Variants in ADGRF3 observed in about 807,000 individuals in gnomAD.
ADGRF3 encodes the protein adhesion G protein-coupled receptor F3, also known as G protein-coupled receptor 113.
A neutral mutation model predicts 93.2 loss-of-function variants in ADGRF3; 85 were observed. The observed-to-expected ratio is 0.91, with a 90% confidence interval of 0.77 to 1.09. The LOEUF (loss-of-function observed/expected upper bound fraction) is 1.09. ADGRF3 is among the 50% of genes least tolerant of loss of function. The probability of loss-of-function intolerance (pLI) is 0.00; values close to 1 mark genes in which losing one functional copy is unlikely to be tolerated. For missense variants in ADGRF3, 1,125 were observed against 1,246.2 expected, an observed-to-expected ratio of 0.90 and a Z score of 1.46; for synonymous variants, 534 against 532.5, an observed-to-expected ratio of 1.00 and a Z score of -0.04.
At chr2:26,327,877 CA>C (rs1469885074) in intron 1 of ADGRF3, among the ~76,000 whole-genome samples, 3 of 151,932 alleles carry the variant, frequency 2.0e-5, no homozygotes, top group Non-Finnish European at 2.9e-5. Context: ...TCTGTTATTG[CA>C]ACACAAAACG....
chr2:26,322,709 A>G (rs547393308), intron 1 of ADGRF3, among the ~76,000 whole-genome samples: 66 of 152,348 alleles, frequency 4.3e-4, no homozygotes, highest in African/African-American at 1.5e-3. Flanking sequence ...GTATCAAATC[A>G]ATCAATCAAT....
chr2:26,320,378 C>T (rs535410968), intron 1 of ADGRF3, among the ~76,000 whole-genome samples: 1 of 152,282 alleles, frequency 6.6e-6, no homozygotes, highest in South Asian at 2.1e-4. Flanking sequence ...TCCCTGTAAT[C>T]TCAGCTACTT....
intron 8 of ADGRF3, 70 bp from the exon 9 acceptor site, chr2:26,313,192 C>G (rs1321304995): frequency 6.4e-7 from 1 of 1,569,760 alleles, no homozygotes; most frequent in Non-Finnish European, 8.7e-7. Context: ...CATCCCAGAC[C>G]CATGGAGATT....
rs772623768 is a variant in ADGRF3 at position 26,313,772 on chromosome 2, T to C, written c.1060A>G (p.Thr354Ala). The change falls in exon 7 of 14, where the codon ACC becomes GCC. Residue 354 changes from threonine (T) to alanine (A), a missense_variant. Coordinates refer to ENST00000651242, the MANE Select transcript of ADGRF3 (RefSeq NM_001321971.2). Reference protein sequence around the residue: ...LAPLRVPISITIIQDGDITCP... With the variant: ...LAPLRVPISIAIIQDGDITCP... ...AGGCCCTGCGTACCCTGGATGATGG[T>C]GATGGAGATGGGGACCCTGAGTGGA... 8 of 1,613,774 alleles carry C rather than the reference T, an allele frequency of 5.0e-6. No homozygotes were observed. The highest frequency in any genetic ancestry group is 5.9e-6 in the Non-Finnish European group (7 of 1,179,856).
intron 1 of ADGRF3, among the ~76,000 whole-genome samples, chr2:26,343,480 C>T (rs1676509773): frequency 6.6e-6 from 1 of 151,930 alleles, no homozygotes; most frequent in Non-Finnish European, 1.5e-5. Context: ...CGCTGTGTCA[C>T]CCAGACTGGA....
At chr2:26,310,292 T>C (rs901287306) in intron 10 of ADGRF3, 55 bp from the exon 11 acceptor site, 3 of 1,579,532 alleles carry the variant, frequency 1.9e-6, no homozygotes, top group Non-Finnish European at 2.6e-6. Context: ...TCCACCCGAA[T>C]CAACATGCTC....
In ADGRF3 at chr2:26,311,075, G is replaced by T. The variant is rs150001339; in HGVS notation, c.2449C>A (p.Leu817Ile). Residue 817 changes from leucine (L) to isoleucine (I), a missense_variant, in exon 10 of 14, where the codon CTC (leucine) becomes ATC (isoleucine). Coordinates refer to ENST00000651242, the MANE Select transcript of ADGRF3 (RefSeq NM_001321971.2). ...HQLAKHRVLP[L>I]MVLLGYLCPL... ...CACAGGTAGCCCAGGAGCACCATGA[G>T]GGGGAGAACTCGGTGCTTTGCCAGC... 3.7e-6 allele frequency: 6 copies of T among 1,607,084 alleles called. No homozygotes were observed. The East Asian group carries it at 9.0e-5, about 24-fold the overall frequency.
At chr2:26,316,775 G>A in intron 3 of ADGRF3, 137 bp downstream of exon 3, 2 of 942,878 alleles carry the variant, frequency 2.1e-6, no homozygotes, top group East Asian at 2.7e-5. Context: ...GGAAGGAGCT[G>A]GGCCACGGAG....
rs1676734365 is a variant in ADGRF3, at chr2:26,346,134, C to T, written c.101G>A (p.Gly34Glu). The T allele has an allele frequency of 6.3e-6, 10 of 1,597,640 alleles. No homozygotes were observed. The highest frequency in any genetic ancestry group is 7.7e-6 in the Non-Finnish European group (9 of 1,173,198). Residue 34 changes from glycine to glutamate, a missense_variant, in exon 1 of 14, where the codon GGG (glycine) becomes GAG (glutamate). Gly to Glu is a moderately conservative substitution (Grantham distance 98, BLOSUM62 -2). Transcript: ENST00000651242. Reference protein sequence around the residue: ...HTGWARMAKTGLPEKGQSQAG... With the variant: ...HTGWARMAKTELPEKGQSQAG... Reference sequence around the variant, plus strand: ...CGGCTCTCCTACCTTCTCGGGCAGCCCAGTCTTTGCCATCCTTGCCCAGCC... The same window carrying T: ...CGGCTCTCCTACCTTCTCGGGCAGCTCAGTCTTTGCCATCCTTGCCCAGCC...
intron 1 of ADGRF3, among the ~76,000 whole-genome samples, chr2:26,327,365 T>C (rs1262406461): frequency 2.0e-5 from 3 of 152,230 alleles, no homozygotes; most frequent in African/African-American, 7.2e-5. Context: ...TTTGCACTCT[T>C]GATCTTTAGT....
At position 26,309,605 on chromosome 2, in the gene ADGRF3, A is replaced by G. The variant is rs770161927; in HGVS notation, c.2938-24T>C. On this transcript the variant is annotated intron_variant, in intron 12 of 13. Coordinates refer to ENST00000651242, the MANE Select transcript of ADGRF3 (RefSeq NM_001321971.2). Reference sequence around the variant, plus strand: ...GCCTAGGAAGGGGTGGGAAGGCCCAATTGCAGGGCAGTTATTAGTATTGTC... The same window carrying G: ...GCCTAGGAAGGGGTGGGAAGGCCCAGTTGCAGGGCAGTTATTAGTATTGTC... 1.4e-4 allele frequency: 222 copies of G among 1,609,988 alleles called. 2 individuals are homozygous for G. The South Asian group carries it at 1.6e-3, about 12-fold the overall frequency.
chr2:26,345,969 A>T, intron 1 of ADGRF3, 152 bp downstream of exon 1: 1 of 702,590 alleles, frequency 1.4e-6, no homozygotes, highest in Non-Finnish European at 2.3e-6. Context: ...CCGATTGGAC[A>T]ACAGCAGTGT....
At chr2:26,316,076 G>A (rs1277587362) in intron 4 of ADGRF3, among the ~76,000 whole-genome samples, 199 bp downstream of exon 4, 2 of 152,082 alleles carry the variant, frequency 1.3e-5, no homozygotes, top group Non-Finnish European at 2.9e-5. Context: ...ATGTCTCTGG[G>A]GCCTCTCTCA....
rs181718904 is a variant in ADGRF3, at chr2:26,334,659, G to A, written c.114+11462C>T. On this transcript the variant is annotated intron_variant, in intron 1 of 13. Transcript: ENST00000651242. Reference sequence around the variant, plus strand: ...ATTGAGTCCCTTTGATCATCTCCCCGCCATTAAAACACAGGTTATCCTAAC... The same window carrying A: ...ATTGAGTCCCTTTGATCATCTCCCCACCATTAAAACACAGGTTATCCTAAC... Among the ~76,000 whole-genome samples, 1,424 of 152,090 alleles carry A rather than the reference G, an allele frequency of 9.4e-3. 9 individuals carry two copies. Among genetic ancestry groups the A allele is most frequent in the Non-Finnish European group, 0.015 (1,021 of 67,992 alleles).
intron 1 of ADGRF3, among the ~76,000 whole-genome samples, chr2:26,344,837 G>C (rs1676609201): frequency 6.6e-6 from 1 of 152,114 alleles, no homozygotes; most frequent in African/African-American, 2.4e-5. Flanking sequence ...AGGGGGCGGG[G>C]AGAAGCTTAT....
chr2:26,316,844 A>G, intron 3 of ADGRF3, 68 bp downstream of exon 3: 1 of 1,504,692 alleles, frequency 6.6e-7, no homozygotes, highest in Non-Finnish European at 8.9e-7. Flanking sequence ...GTCTCAGGCA[A>G]GCTGGCTGCA....
At chr2:26,333,278 G>A (rs1219814424) in intron 1 of ADGRF3, among the ~76,000 whole-genome samples, 2 of 151,122 alleles carry the variant, frequency 1.3e-5, no homozygotes, top group African/African-American at 4.9e-5. Context: ...TGATTAGAAA[G>A]CAGGATGGGC....
At chr2:26,319,553 C>CCCTCCCTCCCTCCCTCCCTT in intron 1 of ADGRF3, among the ~76,000 whole-genome samples, 1 of 27,254 alleles carries the variant, frequency 3.7e-5, no homozygotes, top group Non-Finnish European at 8.9e-5. Context: ...TTCTCTCCCT[C>CCCTCCCTCCCTCCCTCCCTT]CCTCCCTCCC....
intron 12 of ADGRF3, 194 bp downstream of exon 12, chr2:26,309,849 C>G (rs1381124891): frequency 7.5e-7 from 1 of 1,329,084 alleles, no homozygotes; most frequent in African/African-American, 1.5e-5. Flanking sequence ...AACCCAGGAC[C>G]CTGATCCTGA....
Sources: allele counts gnomAD v4.1 joint callset (sites outside exome capture counted in the v4.1 genomes callset), GRCh38; gene constraint gnomAD v4.1.1; transcripts MANE v1.5; gene names NCBI Gene and HGNC (gene_info 2026-07-23, HGNC 2026-07-21).